The following TRAPPC11 variants were observed in gnomAD, a reference collection of about 807,000 sequenced individuals.
TRAPPC11 encodes trafficking protein particle complex subunit 11.
Under a neutral mutation model 151.2 loss-of-function variants are expected in TRAPPC11, and 104 were observed. The observed-to-expected ratio is 0.69, with a 90% CI of 0.59 to 0.81. The LOEUF (loss-of-function observed/expected upper bound fraction) is 0.81. Among genes scored for constraint, TRAPPC11 ranks in the 30% least tolerant of loss-of-function variants. The pLI is 0.00. For missense variants in TRAPPC11, 1,230 were observed against 1,349.6 expected, an observed-to-expected ratio of 0.91 and a Z score of 1.39; for synonymous variants, 456 against 472.3, an observed-to-expected ratio of 0.97 and a Z score of 0.45.
In TRAPPC11 at chr4:183,682,759, C is replaced by G; in HGVS notation, c.1141C>G (p.Pro381Ala). 6.2e-7 allele frequency: 1 copy of G among 1,613,290 alleles called. No individual in the cohort carries two copies. The highest frequency in any genetic ancestry group is 2.2e-5 in the East Asian group (1 of 44,838). Residue 381 changes from proline to alanine, a missense_variant, in exon 11 of 30, where the codon CCC (proline) becomes GCC (alanine). Coordinates refer to ENST00000334690, the MANE Select transcript of TRAPPC11 (RefSeq NM_021942.6). ...EASVMYPNPD[P>A]LETQTGVLDF... is the part of the protein sequence containing the mutation. ...TTCTGTAATGTATCCCAATCCTGAT[C>G]CCTTAGAAACACAAACAGGCGTTCT...
chr4:183,666,857 T>G lies in TRAPPC11; in HGVS notation c.375-203T>G, dbSNP rs551295726. On this transcript the variant is annotated intron_variant, in intron 3 of 29. Coordinates refer to ENST00000334690, the MANE Select transcript of TRAPPC11 (RefSeq NM_021942.6). Reference sequence around the variant, plus strand: ...TGCTTTTAAGGAAGATTTTTAAGATTAGAAGATGTGAGATCATACTTTTAG... The same window carrying G: ...TGCTTTTAAGGAAGATTTTTAAGATGAGAAGATGTGAGATCATACTTTTAG... 1.8e-5 allele frequency: 9 copies of G among 490,302 alleles called. No homozygotes were observed. In the South Asian group the frequency reaches 3.7e-4, roughly 20 times the overall value. The allele number at this position is 490,302 out of a possible 1,614,324, so 30.4% of individuals were successfully genotyped here. A position where few individuals can be genotyped will look rare whatever the true frequency, so the allele number is the denominator to read the frequency against.
intron 5 of TRAPPC11, among the ~76,000 whole-genome samples, chr4:183,669,626 G>A (rs183329387): frequency 1.4e-4 from 21 of 152,256 alleles, no homozygotes; most frequent in Non-Finnish European, 2.9e-5. Context: ...GAGACTATTT[G>A]GCAATGCCTG....
chr4:183,694,582 T>C, intron 22 of TRAPPC11, 22 bp from the exon 23 acceptor site: 1 of 1,602,106 alleles, frequency 6.2e-7, no homozygotes, highest in East Asian at 2.2e-5. Flanking sequence ...CTAATTAAAT[T>C]ACAACATTTA....
At chr4:183,708,615 T>TA (rs1561066694) in intron 29 of TRAPPC11, 41 bp downstream of exon 29, 2 of 1,576,510 alleles carry the variant, frequency 1.3e-6, no homozygotes, top group South Asian at 2.3e-5. Flanking sequence ...TTCAAAGTCT[T>TA]AAAAACAAAC....
At chr4:183,702,331 G>A (rs1736840240) in intron 26 of TRAPPC11, among the ~76,000 whole-genome samples, 1 of 146,472 alleles carries the variant, frequency 6.8e-6, no homozygotes, top group South Asian at 2.1e-4. Context: ...GCAACAGAGC[G>A]AGACCCTGTT....
In TRAPPC11 at chr4:183,682,718, G is replaced by C. The variant is rs1735758883; in HGVS notation, c.1114-14G>C. The C allele has an allele frequency of 6.3e-7, 1 of 1,583,850 alleles. No homozygotes were observed. The highest frequency in any genetic ancestry group is 1.3e-5 in the African/African-American group (1 of 74,122). ...TCCATAAACTATTATTTAGGTTTGTGTTTTAATTTACAGGCTTCTGTAATG... is the reference window on the plus strand; with the variant it reads ...TCCATAAACTATTATTTAGGTTTGTCTTTTAATTTACAGGCTTCTGTAATG... On this transcript the variant is annotated splice_polypyrimidine_tract_variant and intron_variant, in intron 10 of 29. Coordinates refer to ENST00000334690, the MANE Select transcript of TRAPPC11 (RefSeq NM_021942.6).
chr4:183,661,307 A>G (rs1165796122), intron 1 of TRAPPC11, among the ~76,000 whole-genome samples: 1 of 150,852 alleles, frequency 6.6e-6, no homozygotes, highest in Non-Finnish European at 1.5e-5. Flanking sequence ...CTCACTTTTC[A>G]CAAAGATTGT....
intron 19 of TRAPPC11, among the ~76,000 whole-genome samples, chr4:183,692,549 T>A (rs1736305952): frequency 6.6e-6 from 1 of 152,188 alleles, no homozygotes; most frequent in South Asian, 2.1e-4. Context: ...ATTTTATTGC[T>A]AATACTGTAA....
chr4:183,710,599 A>G (rs143018159), intron 29 of TRAPPC11, among the ~76,000 whole-genome samples: 356 of 151,942 alleles, frequency 2.3e-3, no homozygotes, highest in Non-Finnish European at 3.7e-3. Flanking sequence ...CATTTTTAAC[A>G]TGACTAGCAT....
intron 3 of TRAPPC11, 78 bp from the exon 4 acceptor site, chr4:183,666,982 A>C: frequency 1.6e-6 from 2 of 1,233,818 alleles, no homozygotes; most frequent in Non-Finnish European, 2.3e-6. Context: ...TGAATGACCA[A>C]GGTTGTATTT....
At chr4:183,687,296 T>C (rs1736028163) in intron 18 of TRAPPC11, among the ~76,000 whole-genome samples, 2 of 6,132 alleles carry the variant, frequency 3.3e-4, no homozygotes, top group African/African-American at 3.5e-4. Context: ...TCTGTGTGTG[T>C]GTGTATATAT....
At chr4:183,680,346 GATA>G (rs1236640672) in intron 10 of TRAPPC11, 79 bp downstream of exon 10, 1 of 1,408,210 alleles carries the variant, frequency 7.1e-7, no homozygotes, top group Non-Finnish European at 9.4e-7. Flanking sequence ...GATTGGTGTT[GATA>G]ATTTTTTCCA....
intron 5 of TRAPPC11, among the ~76,000 whole-genome samples, chr4:183,670,574 A>G (rs1312487246): frequency 6.6e-6 from 1 of 152,218 alleles, no homozygotes; most frequent in Non-Finnish European, 1.5e-5. Context: ...GAATATGCCA[A>G]AAATGGCTCT....
At chr4:183,705,602 G>A (rs1467040207) in intron 27 of TRAPPC11, among the ~76,000 whole-genome samples, 1 of 151,584 alleles carries the variant, frequency 6.6e-6, no homozygotes, top group East Asian at 1.9e-4. Context: ...CTACCACTTT[G>A]TCCATCTCCT....
intron 18 of TRAPPC11, 94 bp downstream of exon 18, chr4:183,686,842 A>T: frequency 1.1e-5 from 16 of 1,400,486 alleles, no homozygotes; most frequent in Non-Finnish European, 1.6e-5. Flanking sequence ...TTATGTCTTA[A>T]TGGTTTCATA....
chr4:183,694,794 CTATAAAATAAG>C (rs1736448777), intron 23 of TRAPPC11, 71 bp downstream of exon 23: 1 of 1,503,900 alleles, frequency 6.6e-7, no homozygotes. Context: ...TTTAGTTTAC[CTATAAAATAAG>C]CATAAAATAA....
At position 183,712,538 on chromosome 4, in the gene TRAPPC11, A is replaced by T; in HGVS notation, c.3358-62A>T. The T allele has an allele frequency of 8.2e-6, 12 of 1,457,660 alleles. No homozygotes were observed. The South Asian group carries it at 1.4e-4, about 17-fold the overall frequency. 90.3% of individuals were successfully genotyped at this position (1,457,660 alleles called of 1,614,324 possible). ...CAAGAATTTAAAAATCCTTCCAGTT[A>T]ATAGAGCTTTTGTTATTATATTATA... On this transcript the variant is annotated intron_variant, in intron 29 of 29. Transcript: ENST00000334690.
chr4:183,660,302 G>A (rs1734407510), intron 1 of TRAPPC11, among the ~76,000 whole-genome samples: 1 of 152,202 alleles, frequency 6.6e-6, no homozygotes, highest in Non-Finnish European at 1.5e-5. Context: ...GTAGCCAGTA[G>A]CTACATCAGG....
At chr4:183,677,840 C>T (rs1735487970) in intron 8 of TRAPPC11, among the ~76,000 whole-genome samples, 1 of 151,880 alleles carries the variant, frequency 6.6e-6, no homozygotes, top group African/African-American at 2.4e-5. Context: ...AAGAAAGCTG[C>T]CTGTATTACT....
Sources: gnomAD v4.1 joint callset for allele counts (sites outside exome capture counted in the v4.1 genomes callset) on GRCh38, gnomAD v4.1.1 for gene constraint, MANE v1.5 for transcripts, NCBI Gene and HGNC (gene_info 2026-07-23, HGNC 2026-07-21) for gene names.